MDFIC2: variants seen among roughly 807,000 people sequenced by gnomAD.
The protein encoded by MDFIC2 is myoD family inhibitor domain-containing protein 2.
intron 2 of MDFIC2, among the ~76,000 whole-genome samples, chr3:70,264,716 G>A (rs927304330): frequency 6.6e-6 from 1 of 152,180 alleles, no homozygotes; most frequent in South Asian, 2.1e-4. Context: ...CATAATAACA[G>A]AATTCTTGGA....
chr3:70,310,874 A>T (rs1702448305), intron 2 of MDFIC2, among the ~76,000 whole-genome samples: 1 of 152,154 alleles, frequency 6.6e-6, no homozygotes, highest in Admixed American at 6.5e-5. Flanking sequence ...AGAATCACAC[A>T]AACTGGCATT....
In MDFIC2 at chr3:70,194,632, T is replaced by A. The variant is rs1487139355; in HGVS notation, c.*2294A>T. 2.6e-5 allele frequency among the ~76,000 whole-genome samples: 4 copies of A among 152,208 alleles called. No homozygotes were observed. Among genetic ancestry groups the A allele is most frequent in the Non-Finnish European group, 4.4e-5 (3 of 68,034 alleles). On this transcript the variant is annotated 3_prime_UTR_variant, in exon 4 of 4. Coordinates refer to ENST00000567252, the MANE Select transcript of MDFIC2 (RefSeq NM_001364677.1). ...AAAGCAAGGCCACAGAAAGATCTTG[T>A]AGTGTTCTGACCACATTACCACATA...
At chr3:70,210,805 T>G (rs1298712739) in intron 2 of MDFIC2, among the ~76,000 whole-genome samples, 1 of 152,124 alleles carries the variant, frequency 6.6e-6, no homozygotes, top group Non-Finnish European at 1.5e-5. Flanking sequence ...AAGTGAATGT[T>G]AAACAGTTTG....
chr3:70,290,880 C>T (rs1377217198), intron 2 of MDFIC2, among the ~76,000 whole-genome samples: 1 of 152,202 alleles, frequency 6.6e-6, no homozygotes, highest in Non-Finnish European at 1.5e-5. Flanking sequence ...TGACCCCTTG[C>T]GCTTCCCGAG....
chr3:70,216,791 C>A (rs1202863082), intron 2 of MDFIC2, among the ~76,000 whole-genome samples: 1 of 152,094 alleles, frequency 6.6e-6, no homozygotes, highest in South Asian at 2.1e-4. Flanking sequence ...ATTTTGCCCC[C>A]CAAGGGAATG....
intron 2 of MDFIC2, among the ~76,000 whole-genome samples, chr3:70,225,505 C>A (rs1464349753): frequency 6.6e-6 from 1 of 152,124 alleles, no homozygotes; most frequent in Non-Finnish European, 1.5e-5. Context: ...TTGCAAATTT[C>A]TATTATTCTA....
intron 2 of MDFIC2, among the ~76,000 whole-genome samples, chr3:70,254,254 ATAAAT>A (rs1439215029): frequency 6.6e-6 from 1 of 152,208 alleles, no homozygotes; most frequent in African/African-American, 2.4e-5. Context: ...AGTTTAATGG[ATAAAT>A]TAAAGTCATA....
At chr3:70,304,671 T>A (rs1702383159) in intron 2 of MDFIC2, among the ~76,000 whole-genome samples, 1 of 152,240 alleles carries the variant, frequency 6.6e-6, no homozygotes, top group South Asian at 2.1e-4. Context: ...TTGTATCCTA[T>A]CCCAGTTACC....
intron 2 of MDFIC2, among the ~76,000 whole-genome samples, chr3:70,208,710 C>T (rs1249808919): frequency 1.3e-5 from 2 of 152,032 alleles, no homozygotes; most frequent in South Asian, 2.1e-4. Flanking sequence ...TTTCAGAAAC[C>T]AATCTTAAGA....
chr3:70,233,170 C>G (rs1243607139), intron 2 of MDFIC2, among the ~76,000 whole-genome samples: 1 of 152,190 alleles, frequency 6.6e-6, no homozygotes, highest in Admixed American at 6.5e-5. Context: ...GCCTGGGCAA[C>G]AGAGTCTCAG....
chr3:70,227,832 T>C lies in MDFIC2; in HGVS notation c.89-21042A>G, dbSNP rs555440405. 7.9e-5 allele frequency among the ~76,000 whole-genome samples: 12 copies of C among 152,236 alleles called. No individual in the cohort carries two copies. In the East Asian group the frequency reaches 2.3e-3, roughly 29 times the overall value. On this transcript the variant is annotated intron_variant, in intron 2 of 3. Transcript: ENST00000567252. Reference sequence around the variant, plus strand: ...GGTAATACAAACTGTGAATTATAAATGCAGATAGTAGTAAGCGGCAGAGCT... The same window carrying C: ...GGTAATACAAACTGTGAATTATAAACGCAGATAGTAGTAAGCGGCAGAGCT...
At chr3:70,262,476 G>T (rs1701875654) in intron 2 of MDFIC2, among the ~76,000 whole-genome samples, 1 of 152,170 alleles carries the variant, frequency 6.6e-6, no homozygotes, top group African/African-American at 2.4e-5. Flanking sequence ...TAAATGCAGA[G>T]CTCTTCAGTG....
intron 2 of MDFIC2, among the ~76,000 whole-genome samples, chr3:70,238,173 T>G (rs560991394): frequency 6.6e-6 from 1 of 151,892 alleles, no homozygotes; most frequent in East Asian, 1.9e-4. Context: ...AGGATGCTTG[T>G]GAGACTCGCA....
Position 70,194,765 on chromosome 3 carries a change from G to A in MDFIC2, c.*2161C>T, listed in dbSNP as rs150965927. Among the ~76,000 whole-genome samples the A allele has an allele frequency of 3.4e-3, 512 of 152,254 alleles. 2 individuals are homozygous for A. The highest frequency in any genetic ancestry group is 0.011 in the African/African-American group (457 of 41,542). On this transcript the variant is annotated 3_prime_UTR_variant, in exon 4 of 4. Transcript: ENST00000567252. ...TGTAGAGTAGAAAGAATAAGGGAATGATAATTGAAATATTTAACACCAATA... is the reference window on the plus strand; with the variant it reads ...TGTAGAGTAGAAAGAATAAGGGAATAATAATTGAAATATTTAACACCAATA...
chr3:70,242,981 C>G (rs944818643), intron 2 of MDFIC2, among the ~76,000 whole-genome samples: 1 of 152,166 alleles, frequency 6.6e-6, no homozygotes. Context: ...AACCTAAATA[C>G]TAATTTCCCA....
intron 2 of MDFIC2, among the ~76,000 whole-genome samples, chr3:70,266,684 G>T (rs895286595): frequency 3.3e-5 from 5 of 152,084 alleles, no homozygotes; most frequent in African/African-American, 1.2e-4. Context: ...AGGCCCAAGA[G>T]ATTCTTCTGC....
At chr3:70,273,134 A>G (rs1701990036) in intron 2 of MDFIC2, among the ~76,000 whole-genome samples, 1 of 152,186 alleles carries the variant, frequency 6.6e-6, no homozygotes, top group Non-Finnish European at 1.5e-5. Context: ...ATACAATCCT[A>G]AAAGGACTGA....
chr3:70,253,770 TG>T (rs1701790609), intron 2 of MDFIC2, among the ~76,000 whole-genome samples: 1 of 152,148 alleles, frequency 6.6e-6, no homozygotes, highest in South Asian at 2.1e-4. Flanking sequence ...TTTATCCAGA[TG>T]TTGAAATCTG....
chr3:70,252,265 G>T (rs940364889), intron 2 of MDFIC2, among the ~76,000 whole-genome samples: 2 of 152,132 alleles, frequency 1.3e-5, no homozygotes, highest in African/African-American at 2.4e-5. Flanking sequence ...TATGACTTAG[G>T]CTTAAAGTAT....
Sources: allele counts gnomAD v4.1 joint callset (sites outside exome capture counted in the v4.1 genomes callset), GRCh38; gene constraint gnomAD v4.1.1; transcripts MANE v1.5; gene names NCBI Gene and HGNC (gene_info 2026-07-23, HGNC 2026-07-21).